The following GRID2 variants were observed in gnomAD, a reference collection of about 807,000 sequenced individuals.
The protein encoded by GRID2 is glutamate receptor ionotropic, delta-2.
A neutral mutation model predicts 114.8 loss-of-function variants in GRID2; 33 were observed. The ratio of observed to expected loss-of-function variants is 0.29; its 90% confidence interval spans 0.22 to 0.38. GRID2 has a LOEUF of 0.38. Among genes scored for constraint, GRID2 ranks in the 10% least tolerant of loss-of-function variants. GRID2 has a pLI of 1.00. For synonymous variants in GRID2, 505 were observed against 449.9 expected, an observed-to-expected ratio of 1.12 and a Z score of -1.55; for missense variants, 1,184 against 1,257.7, an observed-to-expected ratio of 0.94 and a Z score of 0.89.
At chr4:92,473,119 G>A (rs1050966067) in intron 1 of GRID2, among the ~76,000 whole-genome samples, 13 of 151,940 alleles carry the variant, frequency 8.6e-5, no homozygotes, top group Admixed American at 2.6e-4. Context: ...TTTTGCATAC[G>A]TATAGTCAGT....
intron 4 of GRID2, among the ~76,000 whole-genome samples, chr4:93,130,121 C>T (rs890772766): frequency 5.3e-5 from 8 of 152,010 alleles, no homozygotes; most frequent in Admixed American, 6.5e-5. Context: ...ATTAGACAGG[C>T]GGGAGACCCA....
intron 2 of GRID2, among the ~76,000 whole-genome samples, chr4:92,863,543 G>C (rs755471430): frequency 6.6e-6 from 1 of 152,078 alleles, no homozygotes; most frequent in Non-Finnish European, 1.5e-5. Flanking sequence ...CAAATACTCT[G>C]CAGCCCTCAT....
chr4:92,817,648 C>A (rs987766338), intron 2 of GRID2, among the ~76,000 whole-genome samples: 2 of 151,032 alleles, frequency 1.3e-5, no homozygotes, highest in Admixed American at 6.6e-5. Context: ...TGATTTGTAT[C>A]AAAACTACTG....
intron 1 of GRID2, among the ~76,000 whole-genome samples, chr4:92,326,430 G>T (rs1054532973): frequency 3.3e-5 from 5 of 151,660 alleles, no homozygotes; most frequent in Non-Finnish European, 4.4e-5. Context: ...CCCACCTTTG[G>T]TGCCACTATC....
intron 2 of GRID2, among the ~76,000 whole-genome samples, chr4:92,808,764 C>T (rs1013414754): frequency 9.3e-5 from 14 of 151,198 alleles, no homozygotes; most frequent in South Asian, 2.1e-4. Context: ...AAAATGCACA[C>T]GTTAATAAGG....
intron 14 of GRID2, among the ~76,000 whole-genome samples, chr4:93,663,875 A>G (rs1290120157): frequency 1.3e-5 from 2 of 152,204 alleles, no homozygotes; most frequent in African/African-American, 4.8e-5. Context: ...AGTGTATGCT[A>G]TGTGGGATCA....
At chr4:93,577,281 G>C (rs1704102676) in intron 13 of GRID2, among the ~76,000 whole-genome samples, 1 of 152,086 alleles carries the variant, frequency 6.6e-6, no homozygotes, top group South Asian at 2.1e-4. Flanking sequence ...AAGAGGAGGG[G>C]GTGGGCATCA....
At chr4:93,264,709 G>GATATATACAT (rs1554020722) in intron 8 of GRID2, among the ~76,000 whole-genome samples, 1 of 132,918 alleles carries the variant, frequency 7.5e-6, no homozygotes, top group African/African-American at 3.0e-5. Flanking sequence ...AGTTTTGAAT[G>GATATATACAT]ATATATATAT....
intron 2 of GRID2, among the ~76,000 whole-genome samples, chr4:92,680,902 A>G (rs995799434): frequency 5.3e-5 from 8 of 152,204 alleles, no homozygotes; most frequent in African/African-American, 1.9e-4. Flanking sequence ...TAAAGCATGA[A>G]CTCAAATCTG....
intron 1 of GRID2, among the ~76,000 whole-genome samples, chr4:92,357,217 G>T (rs1728371270): frequency 6.6e-6 from 1 of 151,718 alleles, no homozygotes; most frequent in Non-Finnish European, 1.5e-5. Flanking sequence ...CTGGGAAGAA[G>T]GTCAATTTGC....
At chr4:92,697,058 C>T (rs959166615) in intron 2 of GRID2, among the ~76,000 whole-genome samples, 1 of 152,198 alleles carries the variant, frequency 6.6e-6, no homozygotes, top group South Asian at 2.1e-4. Flanking sequence ...CATTTGAACG[C>T]TTACAGTGGC....
chr4:93,111,457 A>G (rs565315334), intron 4 of GRID2, among the ~76,000 whole-genome samples: 1 of 152,308 alleles, frequency 6.6e-6, no homozygotes, highest in East Asian at 1.9e-4. Flanking sequence ...TAAAGTGATG[A>G]CTAGTGTACA....
Position 93,196,872 on chromosome 4 carries a change from A to G in GRID2, c.736-10532A>G, listed in dbSNP as rs114137483. ...GTTTCTCTGGTTAAGTGTCAGGTGC[A>G]AATACTTCTCTGGTTAAACATCAGG... is the stretch of plus-strand genomic sequence containing the variant. On this transcript the variant is annotated intron_variant, in intron 4 of 15. Coordinates refer to ENST00000282020, the MANE Select transcript of GRID2 (RefSeq NM_001510.4). 6.0e-3 allele frequency among the ~76,000 whole-genome samples: 908 copies of G among 152,252 alleles called. 10 individuals are homozygous for G. The highest frequency in any genetic ancestry group is 0.021 in the African/African-American group (878 of 41,564).
At chr4:92,904,676 A>G (rs527523557) in intron 2 of GRID2, among the ~76,000 whole-genome samples, 1 of 152,168 alleles carries the variant, frequency 6.6e-6, no homozygotes, top group African/African-American at 2.4e-5. Context: ...ATAAAGTGAT[A>G]GGTAATAAAA....
At chr4:92,580,226 T>A (rs140485526) in intron 1 of GRID2, among the ~76,000 whole-genome samples, 1,581 of 151,582 alleles carry the variant, frequency 0.01, 72 homozygotes, top group Admixed American at 0.082. Flanking sequence ...TACATGGCAA[T>A]TCCCTGGAAA....
chr4:93,017,679 G>A (rs933067488), intron 2 of GRID2, among the ~76,000 whole-genome samples: 7 of 151,444 alleles, frequency 4.6e-5, no homozygotes, highest in Non-Finnish European at 7.4e-5. Context: ...GGTGTTAGGC[G>A]CTTGTGATCC....
At chr4:92,690,578 T>G (rs1032716890) in intron 2 of GRID2, among the ~76,000 whole-genome samples, 2 of 152,210 alleles carry the variant, frequency 1.3e-5, no homozygotes, top group African/African-American at 4.8e-5. Context: ...GCCAATAGAT[T>G]TGCTTGACGC....
chr4:92,649,380 C>T (rs1172429258), intron 2 of GRID2, among the ~76,000 whole-genome samples: 1 of 150,440 alleles, frequency 6.6e-6, no homozygotes, highest in East Asian at 2.0e-4. Flanking sequence ...GCTCTGATGC[C>T]TAATACCAGG....
At chr4:92,677,070 A>G (rs1049561507) in intron 2 of GRID2, among the ~76,000 whole-genome samples, 2 of 152,240 alleles carry the variant, frequency 1.3e-5, no homozygotes, top group Non-Finnish European at 2.9e-5. Flanking sequence ...TAAAGTGTAC[A>G]AATTCATAGA....
Sources: gnomAD v4.1 joint callset for allele counts (sites outside exome capture counted in the v4.1 genomes callset) on GRCh38, gnomAD v4.1.1 for gene constraint, MANE v1.5 for transcripts, NCBI Gene and HGNC (gene_info 2026-07-23, HGNC 2026-07-21) for gene names.